EYA4: variants seen among roughly 807,000 people sequenced by gnomAD.
EYA4 encodes the protein protein phosphatase EYA4.
In EYA4, 31 loss-of-function variants were observed where a neutral mutation model predicts 87.9. The observed-to-expected ratio is 0.35, with a 90% CI of 0.27 to 0.48. The LOEUF is 0.48. EYA4 is among the 20% of genes least tolerant of loss of function. The pLI is 0.99. For synonymous variants in EYA4, 263 were observed against 270.6 expected (o/e 0.97, Z 0.28); for missense variants, 678 against 761.4 (o/e 0.89, Z 1.29).
At chr6:133,455,906 C>T (rs908265813) in intron 5 of EYA4, among the ~76,000 whole-genome samples, 3 of 152,098 alleles carry the variant, frequency 2.0e-5, no homozygotes, top group South Asian at 2.1e-4. Context: ...ACCATTACCA[C>T]GTAGAAATAA....
intron 3 of EYA4, among the ~76,000 whole-genome samples, chr6:133,397,571 T>G (rs1176461069): frequency 6.6e-6 from 1 of 152,228 alleles, no homozygotes; most frequent in East Asian, 1.9e-4. Context: ...TGCTTCTTGA[T>G]TTATTGTTTA....
chr6:133,387,661 C>A (rs1786868307), intron 3 of EYA4, among the ~76,000 whole-genome samples: 1 of 152,070 alleles, frequency 6.6e-6, no homozygotes, highest in Non-Finnish European at 1.5e-5. Flanking sequence ...ACACCTCTTT[C>A]AAATTATAAG....
chr6:133,280,650 C>T (rs1337475776), intron 2 of EYA4, among the ~76,000 whole-genome samples: 2 of 152,100 alleles, frequency 1.3e-5, no homozygotes, highest in Admixed American at 6.5e-5. Flanking sequence ...CCTCGTTGGC[C>T]TCCCAAAGTG....
chr6:133,524,691 A>G (rs1176412287), intron 18 of EYA4, among the ~76,000 whole-genome samples: 1 of 152,146 alleles, frequency 6.6e-6, no homozygotes, highest in African/African-American at 2.4e-5. Flanking sequence ...TGCTACTTAA[A>G]ATTGATTTAC....
rs1800927876 is a variant in EYA4, at chr6:133,530,210, C to A, written c.*1405C>A. 1 of 985,308 alleles carries A rather than the reference C, an allele frequency of 1.0e-6. No homozygotes were observed. Among genetic ancestry groups the A allele is most frequent in the Non-Finnish European group, 1.2e-6 (1 of 829,926 alleles). 61.0% of individuals were successfully genotyped at this position (985,308 alleles called of 1,614,324 possible). Reference sequence around the variant, plus strand: ...AGTAAAATAATACCTGGTTCTCCATCTGAATACATCAATGCAGGTTCTCCT... The same window carrying A: ...AGTAAAATAATACCTGGTTCTCCATATGAATACATCAATGCAGGTTCTCCT... On this transcript the variant is annotated 3_prime_UTR_variant, in exon 20 of 20. Coordinates refer to ENST00000355286, the MANE Select transcript of EYA4 (RefSeq NM_004100.5).
At chr6:133,495,614 G>C (rs1797589927) in intron 13 of EYA4, among the ~76,000 whole-genome samples, 2 of 152,192 alleles carry the variant, frequency 1.3e-5, no homozygotes, top group African/African-American at 4.8e-5. Flanking sequence ...GCTATGCAGA[G>C]AATAGAATTT....
chr6:133,526,250 G>A (rs1438183105), intron 19 of EYA4, among the ~76,000 whole-genome samples: 1 of 152,102 alleles, frequency 6.6e-6, no homozygotes, highest in Non-Finnish European at 1.5e-5. Flanking sequence ...TGATGAATTA[G>A]TATTTTTAAA....
At chr6:133,442,095 G>C (rs915269588) in intron 3 of EYA4, among the ~76,000 whole-genome samples, 2 of 151,788 alleles carry the variant, frequency 1.3e-5, no homozygotes, top group African/African-American at 4.8e-5. Flanking sequence ...ATTCACATTA[G>C]TTTTAAAATC....
At chr6:133,344,738 T>TA (rs2128413489) in intron 2 of EYA4, among the ~76,000 whole-genome samples, 1 of 152,288 alleles carries the variant, frequency 6.6e-6, no homozygotes, top group South Asian at 2.1e-4. Flanking sequence ...GCATATAGTA[T>TA]ACATAACCCA....
chr6:133,274,742 G>A lies in EYA4; in HGVS notation c.-39G>A, dbSNP rs371119361. 3.1e-6 allele frequency: 5 copies of A among 1,589,276 alleles called. No homozygotes were observed. The African/African-American group carries it at 6.7e-5, about 21-fold the overall frequency. On this transcript the variant is annotated 5_prime_UTR_variant, in exon 2 of 20. Coordinates refer to ENST00000355286, the MANE Select transcript of EYA4 (RefSeq NM_004100.5). The stretch of plus-strand genomic sequence containing the variant: ...TAGTCATTTTTACTTGAAGGAAGCT[G>A]CTTCTACTTGGGAGTGGCAGGAGAA...
intron 2 of EYA4, among the ~76,000 whole-genome samples, chr6:133,306,588 C>A (rs1341615719): frequency 6.6e-6 from 1 of 152,110 alleles, no homozygotes; most frequent in East Asian, 1.9e-4. Context: ...AAAACTGAAT[C>A]TTTAATTTGA....
At chr6:133,514,705 C>T (rs1799441023) in intron 16 of EYA4, among the ~76,000 whole-genome samples, 1 of 151,998 alleles carries the variant, frequency 6.6e-6, no homozygotes, top group African/African-American at 2.4e-5. Flanking sequence ...TATCTTTTTT[C>T]TTTTAACATC....
intron 3 of EYA4, among the ~76,000 whole-genome samples, chr6:133,384,641 G>C (rs890272811): frequency 8.5e-5 from 13 of 152,142 alleles, no homozygotes; most frequent in Non-Finnish European, 1.3e-4. Flanking sequence ...CTCCTCTCCT[G>C]ACCTGTGGTA....
intron 17 of EYA4, among the ~76,000 whole-genome samples, chr6:133,521,229 G>A (rs1800099537): frequency 6.6e-6 from 1 of 151,726 alleles, no homozygotes; most frequent in African/African-American, 2.4e-5. Flanking sequence ...ACAAAGGGCT[G>A]ATATCCAGAA....
At chr6:133,415,097 C>A (rs1385898501) in intron 3 of EYA4, among the ~76,000 whole-genome samples, 1 of 152,022 alleles carries the variant, frequency 6.6e-6, no homozygotes, top group Non-Finnish European at 1.5e-5. Context: ...CAAAGCTAGT[C>A]ACATCCAGCT....
intron 3 of EYA4, among the ~76,000 whole-genome samples, chr6:133,395,807 A>G (rs1015295372): frequency 6.6e-6 from 1 of 152,206 alleles, no homozygotes; most frequent in Admixed American, 6.5e-5. Context: ...TCTAACAAGT[A>G]GAGTAACTCT....
chr6:133,451,955 A>AT lies in EYA4; in HGVS notation c.277+3785dup, dbSNP rs1323768797. 1.3e-4 allele frequency among the ~76,000 whole-genome samples: 17 copies of AT among 134,546 alleles called. No individual in the cohort carries two copies. The East Asian group carries it at 2.3e-3, about 18-fold the overall frequency. The allele number at this position is 134,546 out of a possible 152,430, so 88.3% of individuals were successfully genotyped here. A position where few individuals can be genotyped will look rare whatever the true frequency, so the allele number is the denominator to read the frequency against. ...CTGCTGTGGGTCAGCTCTTTTGTAGATTTTTTTTTAGAATAAAAGTCATAA... is the reference window on the plus strand; with the variant it reads ...CTGCTGTGGGTCAGCTCTTTTGTAGATTTTTTTTTTAGAATAAAAGTCATAA... On this transcript the variant is annotated intron_variant, in intron 5 of 19. Transcript: ENST00000355286.
chr6:133,302,350 A>C (rs1291539177), intron 2 of EYA4, among the ~76,000 whole-genome samples: 1 of 152,150 alleles, frequency 6.6e-6, no homozygotes, highest in Non-Finnish European at 1.5e-5. Flanking sequence ...CCAAGATCAA[A>C]GTCCTTAGGG....
At chr6:133,460,270 C>T (rs183765167) in intron 6 of EYA4, among the ~76,000 whole-genome samples, 1 of 152,212 alleles carries the variant, frequency 6.6e-6, no homozygotes, top group African/African-American at 2.4e-5. Flanking sequence ...TGTGCTCGCT[C>T]AGTGTGGATT....
Sources: allele counts gnomAD v4.1 joint callset (sites outside exome capture counted in the v4.1 genomes callset), GRCh38; gene constraint gnomAD v4.1.1; transcripts MANE v1.5; gene names NCBI Gene and HGNC (gene_info 2026-07-23, HGNC 2026-07-21).